Variants in SNAPIN observed in about 807,000 individuals in gnomAD.
SNAPIN encodes the protein SNAP associated protein.
A neutral mutation model predicts 15.9 loss-of-function variants in SNAPIN; 16 were observed. That is an observed-to-expected ratio of 1.01 (90% CI 0.68 to 1.53). The LOEUF (loss-of-function observed/expected upper bound fraction) is 1.53. SNAPIN is among the 40% of genes most tolerant of loss of function. The pLI is 0.00. For missense variants in SNAPIN, 186 were observed against 180.1 expected (o/e 1.03, Z -0.19); for synonymous variants, 83 against 76.2 (o/e 1.09, Z -0.46).
In SNAPIN at chr1:153,661,405, A is replaced by G; in HGVS notation, c.*104A>G. 2 of 887,550 alleles carry G rather than the reference A, an allele frequency of 2.3e-6. No individual in the cohort carries two copies. The highest frequency in any genetic ancestry group is 3.5e-6 in the Non-Finnish European group (2 of 565,530). 55.0% of individuals were successfully genotyped at this position (887,550 alleles called of 1,614,324 possible). A position where few individuals can be genotyped will look rare whatever the true frequency, so the allele number is the denominator to read the frequency against. On this transcript the variant is annotated 3_prime_UTR_variant, in exon 4 of 4. Coordinates refer to ENST00000368685, the MANE Select transcript of SNAPIN (RefSeq NM_012437.6). ...AGACAGTCCCCATAGACCTTCAGACATTAAAAAGGGAGCCGTACAGTTTGT... is the reference window on the plus strand; with the variant it reads ...AGACAGTCCCCATAGACCTTCAGACGTTAAAAAGGGAGCCGTACAGTTTGT...
Position 153,659,434 on chromosome 1 carries a change from A to G in SNAPIN, c.191-14A>G. The stretch of plus-strand genomic sequence containing the variant: ...AGCCGTTAGATCTTAGCTGCACCTT[A>G]CTTCCATCCCCAGAACTGTGCCGCA... On this transcript the variant is annotated splice_polypyrimidine_tract_variant and intron_variant, in intron 2 of 3. Transcript: ENST00000368685. 1 of 1,595,304 alleles carries G rather than the reference A, an allele frequency of 6.3e-7. No homozygotes were observed. Among genetic ancestry groups the G allele is most frequent in the South Asian group, 1.1e-5 (1 of 90,668 alleles).
At chr1:153,659,330 T>C (rs1669093012) in intron 2 of SNAPIN, 118 bp from the exon 3 acceptor site, 1 of 1,228,642 alleles carries the variant, frequency 8.1e-7, no homozygotes, top group Admixed American at 1.7e-5. Flanking sequence ...ATGTCTTAAA[T>C]CTCTAATGGC....
chr1:153,661,345 CT>C lies in SNAPIN; in HGVS notation c.*45del. On this transcript the variant is annotated 3_prime_UTR_variant, in exon 4 of 4. Transcript: ENST00000368685. ...CAGTAGCACAAGTACTGTTCCCCAGCTGCCTTGTTTCAACAGACATGCAAAG... is the reference window on the plus strand; with the variant it reads ...CAGTAGCACAAGTACTGTTCCCCAGCGCCTTGTTTCAACAGACATGCAAAG... 6.8e-7 allele frequency: 1 copy of C among 1,466,250 alleles called. No individual in the cohort carries two copies. The highest frequency in any genetic ancestry group is 1.7e-5 in the Admixed American group (1 of 58,408). 90.8% of individuals were successfully genotyped at this position (1,466,250 alleles called of 1,614,324 possible). A position where few individuals can be genotyped will look rare whatever the true frequency, so the allele number is the denominator to read the frequency against.
intron 2 of SNAPIN, 93 bp from the exon 3 acceptor site, chr1:153,659,355 G>C: frequency 2.4e-6 from 3 of 1,272,698 alleles, no homozygotes; most frequent in South Asian, 1.2e-5. Context: ...GCCCGTTTGG[G>C]TGCAAGTGTT....
Position 153,659,534 on chromosome 1 carries a change from G to T in SNAPIN, c.277G>T (p.Val93Phe). 1 of 1,613,804 alleles carries T rather than the reference G, an allele frequency of 6.2e-7. No homozygotes were observed. The highest frequency in any genetic ancestry group is 8.5e-7 in the Non-Finnish European group (1 of 1,179,714). ...KKLLNARRRV[V>F]LVNNILQNAQ... is the part of the protein sequence containing the mutation. ...GCTACTTAATGCCCGGCGACGCGTT[G>T]TCTTGGTTAACAACATTCTACAGAA... The change falls in exon 3 of 4, where the codon GTC becomes TTC. Residue 93 changes from valine to phenylalanine, a missense_variant. Val to Phe is a conservative substitution (Grantham distance 50). Coordinates refer to ENST00000368685, the MANE Select transcript of SNAPIN (RefSeq NM_012437.6).
chr1:153,658,796 G>A lies in SNAPIN; in HGVS notation c.53G>A (p.Gly18Glu). ...AVSGAGTPVA[G>E]PTGRDLFAEG... ...TCGGGGGCAGGGACCCCGGTGGCGG[G>A]GCCCACAGGCCGCGACCTTTTCGCC... The change falls in exon 1 of 4, where the codon GGG (glycine) becomes GAG (glutamate). Residue 18 changes from glycine to glutamate, a missense_variant. By Grantham distance (98) the Gly-to-Glu change is moderately conservative (BLOSUM62 -2). Coordinates refer to ENST00000368685, the MANE Select transcript of SNAPIN (RefSeq NM_012437.6). 1.3e-6 allele frequency: 2 copies of A among 1,584,098 alleles called. No individual in the cohort carries two copies. The highest frequency in any genetic ancestry group is 1.7e-6 in the Non-Finnish European group (2 of 1,171,334).
rs185129814 is a variant in SNAPIN at position 153,661,282 on chromosome 1, C to T, written c.392C>T (p.Pro131Leu). 16 of 1,613,388 alleles carry T rather than the reference C, an allele frequency of 9.9e-6. No individual in the cohort carries two copies. In the Admixed American group the frequency reaches 1.7e-4, roughly 17 times the overall value. ...ATGCTGGATTCGGGAATTTACCCCC[C>T]TGGCTCCCCAGGCAAATAACAGATG... ...RAMLDSGIYPPGSPGK is the reference protein window; with the variant it reads ...RAMLDSGIYPLGSPGK The change falls in exon 4 of 4, where the codon CCT becomes CTT. Residue 131 changes from proline to leucine, a missense_variant. Transcript: ENST00000368685.
Position 153,661,553 on chromosome 1 carries a change from G to T in SNAPIN, c.*252G>T. 1 of 310,250 alleles carries T rather than the reference G, an allele frequency of 3.2e-6. No individual in the cohort carries two copies. The highest frequency in any genetic ancestry group is 4.4e-5 in the South Asian group (1 of 22,620). 19.2% of individuals were successfully genotyped at this position (310,250 alleles called of 1,614,324 possible). A position where few individuals can be genotyped will look rare whatever the true frequency, so the allele number is the denominator to read the frequency against. On this transcript the variant is annotated 3_prime_UTR_variant, in exon 4 of 4. Coordinates refer to ENST00000368685, the MANE Select transcript of SNAPIN (RefSeq NM_012437.6). The stretch of plus-strand genomic sequence containing the variant: ...TGCTTCCTTTCACAAATGAGCTGAG[G>T]CCTCTACTTTTTTTTTTAAGCTGCA...
chr1:153,658,804 G>T lies in SNAPIN; in HGVS notation c.61G>T (p.Gly21Cys). The T allele has an allele frequency of 6.3e-7, 1 of 1,592,734 alleles. No individual in the cohort carries two copies. The highest frequency in any genetic ancestry group is 8.5e-7 in the Non-Finnish European group (1 of 1,174,284). Reference protein sequence around the residue: ...GAGTPVAGPTGRDLFAEGLLE... With the variant: ...GAGTPVAGPTCRDLFAEGLLE... ...AGGGACCCCGGTGGCGGGGCCCACA[G>T]GCCGCGACCTTTTCGCCGAAGGGCT... The change falls in exon 1 of 4, where the codon GGC becomes TGC. Residue 21 changes from glycine to cysteine, a missense_variant. Gly to Cys is a radical substitution (Grantham distance 159). Coordinates refer to ENST00000368685, the MANE Select transcript of SNAPIN (RefSeq NM_012437.6).
Position 153,659,435 on chromosome 1 carries a change from C to T in SNAPIN, c.191-13C>T. On this transcript the variant is annotated splice_polypyrimidine_tract_variant and intron_variant, in intron 2 of 3. Coordinates refer to ENST00000368685, the MANE Select transcript of SNAPIN (RefSeq NM_012437.6). The stretch of plus-strand genomic sequence containing the variant: ...GCCGTTAGATCTTAGCTGCACCTTA[C>T]TTCCATCCCCAGAACTGTGCCGCAT... 1.2e-6 allele frequency: 2 copies of T among 1,600,984 alleles called. No homozygotes were observed. The highest frequency in any genetic ancestry group is 1.7e-6 in the Non-Finnish European group (2 of 1,168,164).
At position 153,658,982 on chromosome 1, in the gene SNAPIN, G is replaced by A. The variant is rs1669083508; in HGVS notation, c.143+96G>A. 3 of 1,590,238 alleles carry A rather than the reference G, an allele frequency of 1.9e-6. No individual in the cohort carries two copies. The Admixed American group carries it at 5.4e-5, about 29-fold the overall frequency. ...CTGGCTGGGAGTGGGCATAAATTTAGGAAACTGATTCGAGGCGGGGAGGAC... is the reference window on the plus strand; with the variant it reads ...CTGGCTGGGAGTGGGCATAAATTTAAGAAACTGATTCGAGGCGGGGAGGAC... On this transcript the variant is annotated intron_variant, in intron 1 of 3. Coordinates refer to ENST00000368685, the MANE Select transcript of SNAPIN (RefSeq NM_012437.6).
Position 153,661,244 on chromosome 1 carries a change from C to T in SNAPIN, c.354C>T (p.Ala118=), listed in dbSNP as rs1159285429. 2 of 1,613,806 alleles carry T rather than the reference C, an allele frequency of 1.2e-6. No individual in the cohort carries two copies. The highest frequency in any genetic ancestry group is 1.7e-6 in the Non-Finnish European group (2 of 1,179,816). ...RLNHSVAKET[A]RRRAMLDSGI... The stretch of plus-strand genomic sequence containing the variant: ...ACCACAGTGTTGCCAAGGAAACAGC[C>T]CGCAGGAGAGCAATGCTGGATTCGG... The change falls in exon 4 of 4, where the codon GCC becomes GCT. Residue 118 remains alanine, a synonymous_variant. Coordinates refer to ENST00000368685, the MANE Select transcript of SNAPIN (RefSeq NM_012437.6).
intron 2 of SNAPIN, 124 bp from the exon 3 acceptor site, chr1:153,659,324 C>T: frequency 8.1e-7 from 1 of 1,233,374 alleles, no homozygotes. Context: ...TCAGGGATGT[C>T]TTAAATCTCT....
At chr1:153,660,643 C>T (rs1204900122) in intron 3 of SNAPIN, among the ~76,000 whole-genome samples, 4 of 134,022 alleles carry the variant, frequency 3.0e-5, no homozygotes, top group Non-Finnish European at 4.7e-5. Flanking sequence ...AGCGAAACTC[C>T]GTCTCGGGAA....
At chr1:153,660,624 G>A (rs1211104936) in intron 3 of SNAPIN, among the ~76,000 whole-genome samples, 3 of 147,998 alleles carry the variant, frequency 2.0e-5, no homozygotes, top group Non-Finnish European at 3.0e-5. Context: ...CTTCAGCCTG[G>A]GCAACAAGAG....
chr1:153,659,663 G>C (rs6692298), intron 3 of SNAPIN, 97 bp downstream of exon 3: 84,849 of 862,008 alleles, frequency 0.098, 6,327 homozygotes, highest in African/African-American at 0.32. Flanking sequence ...TTGGGGAAAG[G>C]GAAATTCACT....
In SNAPIN at chr1:153,661,529, G is replaced by T; in HGVS notation, c.*228G>T. The T allele has an allele frequency of 5.7e-6, 2 of 350,538 alleles. No homozygotes were observed. Among genetic ancestry groups the T allele is most frequent in the Non-Finnish European group, 1.1e-5 (2 of 185,118 alleles). The allele number at this position is 350,538 out of a possible 1,614,324, so 21.7% of individuals were successfully genotyped here. A position where few individuals can be genotyped will look rare whatever the true frequency, so the allele number is the denominator to read the frequency against. On this transcript the variant is annotated 3_prime_UTR_variant, in exon 4 of 4. Coordinates refer to ENST00000368685, the MANE Select transcript of SNAPIN (RefSeq NM_012437.6). ...AGGACTTACATTAATTATGGCTCTT[G>T]CTTCCTTTCACAAATGAGCTGAGGC...
At chr1:153,659,011 C>G (rs1571329984) in intron 1 of SNAPIN, 125 bp downstream of exon 1, 1 of 1,552,614 alleles carries the variant, frequency 6.4e-7, no homozygotes, top group Non-Finnish European at 8.8e-7. Context: ...GGAGGACAGG[C>G]GGGAAGGCCG....
Position 153,661,574 on chromosome 1 carries a change from C to T in SNAPIN, c.*273C>T, listed in dbSNP as rs1158563312. Reference sequence around the variant, plus strand: ...TGAGGCCTCTACTTTTTTTTTTAAGCTGCATACGTGAGGCTTACCTTCTTC... The same window carrying T: ...TGAGGCCTCTACTTTTTTTTTTAAGTTGCATACGTGAGGCTTACCTTCTTC... On this transcript the variant is annotated 3_prime_UTR_variant, in exon 4 of 4. Coordinates refer to ENST00000368685, the MANE Select transcript of SNAPIN (RefSeq NM_012437.6). 4 of 270,642 alleles carry T rather than the reference C, an allele frequency of 1.5e-5. No homozygotes were observed. The East Asian group carries it at 2.9e-4, about 20-fold the overall frequency. 16.8% of individuals were successfully genotyped at this position (270,642 alleles called of 1,614,324 possible). A position where few individuals can be genotyped will look rare whatever the true frequency, so the allele number is the denominator to read the frequency against.
Sources: allele counts gnomAD v4.1 joint callset (sites outside exome capture counted in the v4.1 genomes callset), GRCh38; gene constraint gnomAD v4.1.1; transcripts MANE v1.5; gene names NCBI Gene and HGNC (gene_info 2026-07-23, HGNC 2026-07-21).